SGIP1: variants seen among roughly 807,000 people sequenced by gnomAD.
The protein encoded by SGIP1 is SH3-containing GRB2-like protein 3-interacting protein 1.
In SGIP1, 38 loss-of-function variants were observed where a neutral mutation model predicts 107.5. The observed-to-expected ratio is 0.35, with a 90% CI of 0.27 to 0.46. The LOEUF (loss-of-function observed/expected upper bound fraction) is 0.46, where lower values mean the gene tolerates loss of function less well. Among genes scored for constraint, SGIP1 ranks in the 20% least tolerant of loss-of-function variants. The pLI is 1.00. For missense variants in SGIP1, 929 were observed against 1,019.5 expected, an observed-to-expected ratio of 0.91 and a Z score of 1.21; for synonymous variants, 365 against 366.1, an observed-to-expected ratio of 1.00 and a Z score of 0.03.
At chr1:66,584,488 G>A (rs535524025) in intron 1 of SGIP1, among the ~76,000 whole-genome samples, 171 of 152,202 alleles carry the variant, frequency 1.1e-3, no homozygotes, top group Middle Eastern at 3.4e-3. Context: ...TCTAGCTCCA[G>A]GAAGCTCAGT....
chr1:66,637,863 A>G (rs1305020608), intron 4 of SGIP1, among the ~76,000 whole-genome samples: 1 of 150,758 alleles, frequency 6.6e-6, no homozygotes, highest in African/African-American at 2.4e-5. Flanking sequence ...ATACACACAT[A>G]CATACACACA....
chr1:66,687,596 C>T (rs1397124356), intron 15 of SGIP1, among the ~76,000 whole-genome samples: 1 of 152,158 alleles, frequency 6.6e-6, no homozygotes, highest in Non-Finnish European at 1.5e-5. Context: ...TAAGAGATTG[C>T]ATTTAAGAGC....
chr1:66,671,622 G>A (rs2083831232), intron 10 of SGIP1, among the ~76,000 whole-genome samples: 1 of 152,182 alleles, frequency 6.6e-6, no homozygotes, highest in Admixed American at 6.5e-5. Flanking sequence ...TAATTGGAAA[G>A]CAGAACCAGT....
chr1:66,596,974 CT>C (rs2064836823), intron 1 of SGIP1, among the ~76,000 whole-genome samples: 1 of 152,062 alleles, frequency 6.6e-6, no homozygotes, highest in South Asian at 2.1e-4. Context: ...AATATTTTTA[CT>C]TTGAAGACAG....
chr1:66,639,312 T>C (rs1019751424), intron 4 of SGIP1, among the ~76,000 whole-genome samples: 1 of 152,206 alleles, frequency 6.6e-6, no homozygotes, highest in Non-Finnish European at 1.5e-5. Flanking sequence ...AAAAATTGAG[T>C]GCTAAAATGC....
At chr1:66,661,004 A>G (rs913962274) in intron 8 of SGIP1, among the ~76,000 whole-genome samples, 2 of 152,174 alleles carry the variant, frequency 1.3e-5, no homozygotes, top group Non-Finnish European at 2.9e-5. Context: ...TAGTAAATCA[A>G]AATATTCCCT....
In SGIP1 at chr1:66,744,885, T is replaced by A. The variant is rs1356445033; in HGVS notation, c.*1790T>A. 1.3e-5 allele frequency: 2 copies of A among 152,486 alleles called. No homozygotes were observed. Among genetic ancestry groups the A allele is most frequent in the Non-Finnish European group, 2.9e-5 (2 of 67,916 alleles). The allele number at this position is 152,486 out of a possible 1,614,324, so 9.4% of individuals were successfully genotyped here. On this transcript the variant is annotated 3_prime_UTR_variant, in exon 25 of 25. Coordinates refer to ENST00000371037, the MANE Select transcript of SGIP1 (RefSeq NM_032291.4). ...CTCATTTTATGTAAAGGTATCCAATTTGATTTTGAAACCAAAATAGAAAAT... is the reference window on the plus strand; with the variant it reads ...CTCATTTTATGTAAAGGTATCCAATATGATTTTGAAACCAAAATAGAAAAT...
Position 66,679,717 on chromosome 1 carries a change from C to G in SGIP1, c.779C>G (p.Pro260Arg), listed in dbSNP as rs763420416. 25 of 1,605,264 alleles carry G rather than the reference C, an allele frequency of 1.6e-5. No homozygotes were observed. Among genetic ancestry groups the G allele is most frequent in the Non-Finnish European group, 2.1e-5 (25 of 1,177,812 alleles). ...CCTCCAAAAAATGTACCAGCTACCC[C>G]ACCCCGAACAGGATCCCCCTTAACA... ...PLPPKNVPAT[P>R]PRTGSPLTIG... is the part of the protein sequence containing the mutation. Residue 260 changes from proline to arginine, a missense_variant, in exon 14 of 25, where the codon CCA (proline) becomes CGA (arginine). Physicochemically the swap from Pro to Arg is moderately radical, Grantham distance 103 (BLOSUM62 -2). This residue lies in a region of SGIP1 where 588 missense variants were observed against 588.6 expected (regional missense o/e 1.00). Coordinates refer to ENST00000371037, the MANE Select transcript of SGIP1 (RefSeq NM_032291.4).
At chr1:66,549,182 C>A (rs1031881281) in intron 1 of SGIP1, among the ~76,000 whole-genome samples, 1 of 150,236 alleles carries the variant, frequency 6.7e-6, no homozygotes, top group African/African-American at 2.5e-5. Context: ...TTCCTTCCTT[C>A]CTTCCTTCCT....
At chr1:66,686,476 TA>T (rs1186967121) in intron 15 of SGIP1, among the ~76,000 whole-genome samples, 1 of 152,148 alleles carries the variant, frequency 6.6e-6, no homozygotes, top group Non-Finnish European at 1.5e-5. Flanking sequence ...AACACTTTTC[TA>T]AGGGGGAAAT....
chr1:66,582,940 T>C (rs553095802), intron 1 of SGIP1, among the ~76,000 whole-genome samples: 3 of 151,982 alleles, frequency 2.0e-5, no homozygotes, highest in Non-Finnish European at 4.4e-5. Context: ...TACAGGCATA[T>C]GTTGCTTTTA....
intron 7 of SGIP1, among the ~76,000 whole-genome samples, chr1:66,658,266 C>T (rs1259535494): frequency 6.6e-6 from 1 of 152,174 alleles, no homozygotes; most frequent in East Asian, 1.9e-4. Context: ...TATTCTGAAG[C>T]ATTAGTTTTT....
At chr1:66,677,728 T>G (rs1190668729) in intron 13 of SGIP1, among the ~76,000 whole-genome samples, 1 of 152,234 alleles carries the variant, frequency 6.6e-6, no homozygotes, top group African/African-American at 2.4e-5. Context: ...AATGGATTGT[T>G]CATCAGGTAA....
At chr1:66,572,198 C>T (rs988883112) in intron 1 of SGIP1, among the ~76,000 whole-genome samples, 1 of 151,898 alleles carries the variant, frequency 6.6e-6, no homozygotes, top group Admixed American at 6.6e-5. Flanking sequence ...ATTTTTCTAC[C>T]TTGCATTGTT....
At chr1:66,717,175 C>T (rs1037711410) in intron 18 of SGIP1, among the ~76,000 whole-genome samples, 1 of 152,176 alleles carries the variant, frequency 6.6e-6, no homozygotes, top group Non-Finnish European at 1.5e-5. Context: ...TCACCAAACA[C>T]CAAGTTTCAA....
chr1:66,693,093 T>A (rs2090213316), intron 17 of SGIP1, among the ~76,000 whole-genome samples: 1 of 152,056 alleles, frequency 6.6e-6, no homozygotes, highest in Non-Finnish European at 1.5e-5. Context: ...TCAGACAGGT[T>A]ATAATATGAA....
chr1:66,632,599 G>A (rs940093897), intron 2 of SGIP1, among the ~76,000 whole-genome samples: 15 of 152,118 alleles, frequency 9.9e-5, no homozygotes, highest in African/African-American at 9.7e-5. Context: ...TTTTGATTGC[G>A]CCTGTGAATA....
At chr1:66,679,484 C>T (rs1174046705) in intron 13 of SGIP1, among the ~76,000 whole-genome samples, 194 bp from the exon 14 acceptor site, 1 of 152,186 alleles carries the variant, frequency 6.6e-6, no homozygotes, top group East Asian at 1.9e-4. Context: ...CTCTTATTCT[C>T]ATAAAATGGA....
At chr1:66,734,901 C>A (rs527918563) in intron 21 of SGIP1, among the ~76,000 whole-genome samples, 13 of 152,068 alleles carry the variant, frequency 8.5e-5, no homozygotes, top group African/African-American at 3.1e-4. Flanking sequence ...AATATATGTA[C>A]GTTATGGAAT....
Sources: allele counts gnomAD v4.1 joint callset (sites outside exome capture counted in the v4.1 genomes callset), GRCh38; gene constraint gnomAD v4.1.1; regional missense constraint gnomAD v4.1.1; transcripts MANE v1.5; gene names NCBI Gene and HGNC (gene_info 2026-07-23, HGNC 2026-07-21).